Variants in ATP11A observed in about 807,000 individuals in gnomAD.
ATP11A encodes the protein phospholipid-transporting ATPase IH.
ATP11A carries 81 observed loss-of-function variants against 154.4 expected under a neutral mutation model. That is an observed-to-expected ratio of 0.52 (90% CI 0.44 to 0.63). ATP11A has a LOEUF of 0.63. Ranked by LOEUF, ATP11A falls within the 30% of genes least tolerant of loss-of-function variation. The pLI, the probability that ATP11A is intolerant of heterozygous loss-of-function variation, is 0.00. For missense variants in ATP11A, 1,316 were observed against 1,474.3 expected (o/e 0.89, Z 1.76); for synonymous variants, 623 against 585.9 (o/e 1.06, Z -0.91).
chr13:112,776,561 G>C (rs1176463226), intron 1 of ATP11A, among the ~76,000 whole-genome samples: 2 of 152,084 alleles, frequency 1.3e-5, no homozygotes, highest in Non-Finnish European at 2.9e-5. Context: ...TTGGTGTTGC[G>C]CTCTGTCAAG....
intron 5 of ATP11A, among the ~76,000 whole-genome samples, chr13:112,813,727 C>T (rs567424932): frequency 1.1e-4 from 17 of 152,034 alleles, no homozygotes; most frequent in African/African-American, 3.6e-4. Context: ...CCACGCACGA[C>T]GTTGCCAGCA....
At chr13:112,849,560 A>G (rs1409232092) in intron 17 of ATP11A, among the ~76,000 whole-genome samples, 2 of 152,242 alleles carry the variant, frequency 1.3e-5, no homozygotes, top group Non-Finnish European at 1.5e-5. Flanking sequence ...GACTGAAGCT[A>G]TATATCTTGT....
chr13:112,885,014 C>T lies in ATP11A; in HGVS notation c.*3148C>T, dbSNP rs1209050543. ...CATATGTACATGTACCCACCACAAA[C>T]GTGCAAGCTCCTGCACACATGCATG... On this transcript the variant is annotated 3_prime_UTR_variant, in exon 30 of 30. Coordinates refer to ENST00000375645, the MANE Select transcript of ATP11A (RefSeq NM_015205.3). 4 of 152,358 alleles carry T rather than the reference C, an allele frequency of 2.6e-5. No individual in the cohort carries two copies. Among genetic ancestry groups the T allele is most frequent in the South Asian group, 4.1e-4 (2 of 4,860 alleles). The allele number at this position is 152,358 out of a possible 1,614,324, so 9.4% of individuals were successfully genotyped here.
At chr13:112,719,422 T>C (rs1888895548) in intron 1 of ATP11A, among the ~76,000 whole-genome samples, 2 of 152,270 alleles carry the variant, frequency 1.3e-5, no homozygotes, top group African/African-American at 4.8e-5. Context: ...TTGTAGGCTG[T>C]GGGAATAATC....
chr13:112,783,496 G>A (rs937767663), intron 1 of ATP11A, among the ~76,000 whole-genome samples: 1 of 152,218 alleles, frequency 6.6e-6, no homozygotes, highest in South Asian at 2.1e-4. Context: ...AACTGTCCCC[G>A]TGCCTGCGGC....
chr13:112,766,705 C>T (rs1230347770), intron 1 of ATP11A, among the ~76,000 whole-genome samples: 2 of 152,080 alleles, frequency 1.3e-5, no homozygotes, highest in East Asian at 1.9e-4. Flanking sequence ...TCTGCCTCTT[C>T]CCTCCATATT....
At chr13:112,707,875 G>A (rs1325085298) in intron 1 of ATP11A, among the ~76,000 whole-genome samples, 1 of 152,128 alleles carries the variant, frequency 6.6e-6, no homozygotes, top group African/African-American at 2.4e-5. Context: ...CTGTCTGGTG[G>A]CCTGTGCCGG....
rs533380551 is a variant in ATP11A, at chr13:112,851,668, C to T, written c.1991+450C>T. On this transcript the variant is annotated intron_variant, in intron 18 of 29. Transcript: ENST00000375645. Reference sequence around the variant, plus strand: ...TCCTGAGTAGCTAGAACTTCAAGCACATACCACCATGCCTGGCTAATTTTT... The same window carrying T: ...TCCTGAGTAGCTAGAACTTCAAGCATATACCACCATGCCTGGCTAATTTTT... The T allele has an allele frequency of 1.0e-3, 153 of 153,360 alleles. No homozygotes were observed. The Middle Eastern group carries it at 0.01, about 10-fold the overall frequency. The allele number at this position is 153,360 out of a possible 1,614,324, so 9.5% of individuals were successfully genotyped here. A position where few individuals can be genotyped will look rare whatever the true frequency, so the allele number is the denominator to read the frequency against.
intron 13 of ATP11A, among the ~76,000 whole-genome samples, chr13:112,832,056 C>A (rs2079107829): frequency 6.6e-6 from 1 of 152,192 alleles, no homozygotes; most frequent in South Asian, 2.1e-4. Context: ...ACACTGTGTG[C>A]ACACATGCTC....
chr13:112,876,171 CAAATA>C (rs1251657392), intron 28 of ATP11A: 1 of 392,898 alleles, frequency 2.5e-6, no homozygotes, highest in African/African-American at 2.1e-5. Flanking sequence ...AAATGAGACA[CAAATA>C]AGAGAAAAAA....
chr13:112,705,930 G>A (rs1302110926), intron 1 of ATP11A, among the ~76,000 whole-genome samples: 1 of 152,112 alleles, frequency 6.6e-6, no homozygotes, highest in Non-Finnish European at 1.5e-5. Flanking sequence ...ATTGTGAAGC[G>A]TACAGTTCCA....
chr13:112,855,904 C>CT lies in ATP11A; in HGVS notation c.2244-6dup, dbSNP rs1566577471. The CT allele has an allele frequency of 3.7e-6, 6 of 1,604,326 alleles. No individual in the cohort carries two copies. Among genetic ancestry groups the CT allele is most frequent in the Non-Finnish European group, 5.1e-6 (6 of 1,173,358 alleles). On this transcript the variant is annotated splice_region_variant and splice_polypyrimidine_tract_variant and intron_variant, in intron 19 of 29. Transcript: ENST00000375645. ...GAGCAATCTTTCTGACTCACGTACT[C>CT]TAACAGACTTTCAGCAGATATGCAG...
intron 1 of ATP11A, among the ~76,000 whole-genome samples, chr13:112,737,389 G>A (rs903529841): frequency 7.2e-5 from 11 of 152,240 alleles, no homozygotes; most frequent in Non-Finnish European, 1.5e-4. Flanking sequence ...GTTATCCTTC[G>A]GTGAAATGTT....
intron 1 of ATP11A, among the ~76,000 whole-genome samples, chr13:112,729,010 C>T (rs890754672): frequency 2.6e-5 from 4 of 152,068 alleles, no homozygotes; most frequent in East Asian, 1.9e-4. Context: ...TTCACGTTGG[C>T]GACATTTAGG....
At chr13:112,868,484 G>C (rs1279579633) in intron 25 of ATP11A, among the ~76,000 whole-genome samples, 3 of 152,228 alleles carry the variant, frequency 2.0e-5, no homozygotes, top group Non-Finnish European at 4.4e-5. Context: ...AGGCAGATCT[G>C]CTGAAGGAGT....
In ATP11A at chr13:112,746,715, A is replaced by T. The variant is rs1346813300; in HGVS notation, c.40-38420A>T. ...CGTGCACCACCATGCCTGGCTAATTAAAAAAAAAAAAAAAAAAAGACAACT... is the reference window on the plus strand; with the variant it reads ...CGTGCACCACCATGCCTGGCTAATTTAAAAAAAAAAAAAAAAAAGACAACT... On this transcript the variant is annotated intron_variant, in intron 1 of 29. Transcript: ENST00000375645. This position sits in a 1 kb window ranked among gnomAD's most constrained non-coding sequence, Gnocchi z 4.1. 2 of 29,120 alleles carry T rather than the reference A, an allele frequency of 6.9e-5. No homozygotes were observed. Among genetic ancestry groups the T allele is most frequent in the African/African-American group, 2.9e-4 (2 of 6,942 alleles). The allele number at this position is 29,120 out of a possible 1,614,324, so 1.8% of individuals were successfully genotyped here.
intron 1 of ATP11A, among the ~76,000 whole-genome samples, chr13:112,769,557 C>T (rs1239412294): frequency 6.6e-6 from 1 of 152,218 alleles, no homozygotes; most frequent in Non-Finnish European, 1.5e-5. Flanking sequence ...TTATAGTTCT[C>T]CCAACTTCCC....
At chr13:112,830,725 T>G (rs1487585470) in intron 12 of ATP11A, among the ~76,000 whole-genome samples, 2 of 152,250 alleles carry the variant, frequency 1.3e-5, no homozygotes, top group African/African-American at 2.4e-5. Flanking sequence ...GCGCCCAAGC[T>G]CAGTCTCAAG....
At chr13:112,778,286 T>C (rs1358395537) in intron 1 of ATP11A, among the ~76,000 whole-genome samples, 1 of 152,256 alleles carries the variant, frequency 6.6e-6, no homozygotes, top group East Asian at 1.9e-4. Context: ...TTAGCGGCTC[T>C]GTGAGAGGAG....
Sources: allele counts gnomAD v4.1 joint callset (sites outside exome capture counted in the v4.1 genomes callset), GRCh38; gene constraint gnomAD v4.1.1; non-coding constraint Gnocchi (gnomAD v3.1); transcripts MANE v1.5; gene names NCBI Gene and HGNC (gene_info 2026-07-23, HGNC 2026-07-21).